SHOX: variants seen among roughly 807,000 people sequenced by gnomAD.
SHOX encodes short stature homeobox protein.
SHOX carries 12 observed loss-of-function variants against 29.6 expected under a neutral mutation model. That is an observed-to-expected ratio of 0.41 (90% CI 0.26 to 0.66). SHOX has a LOEUF of 0.66. Among genes scored for constraint, SHOX ranks in the 30% least tolerant of loss-of-function variants. The pLI is 0.35. For missense variants in SHOX, 499 were observed against 437.7 expected, an observed-to-expected ratio of 1.14 and a Z score of -1.25; for synonymous variants, 214 against 200.6, an observed-to-expected ratio of 1.07 and a Z score of -0.57.
rs1384464671 is a variant in SHOX, at chrX:649,213, T to G, written c.*4577T>G. ...CCACCATTCCCGGATAATTTTTGTA[T>G]TTTTTAGTAGAGACCGGGTTTCGCC... On this transcript the variant is annotated 3_prime_UTR_variant, in exon 5 of 5. Coordinates refer to ENST00000686671, the MANE Select transcript of SHOX (RefSeq NM_000451.4). Among the ~76,000 whole-genome samples the G allele has an allele frequency of 4.6e-5, 7 of 151,926 alleles. No individual in the cohort carries two copies. Among genetic ancestry groups the G allele is most frequent in the Admixed American group, 4.6e-4 (7 of 15,230 alleles).
intron 2 of SHOX, among the ~76,000 whole-genome samples, chrX:640,307 T>C (rs1221849962): frequency 3.3e-5 from 5 of 151,646 alleles, no homozygotes; most frequent in Non-Finnish European, 5.9e-5. Flanking sequence ...ATAGTGCCAC[T>C]GCAGTCCAGC....
intron 2 of SHOX, among the ~76,000 whole-genome samples, chrX:638,875 C>A (rs1269647349): frequency 2.0e-5 from 3 of 152,282 alleles, no homozygotes; most frequent in African/African-American, 7.2e-5. Context: ...GTTCTCTGGA[C>A]GAATCATTTC....
chrX:630,214 G>C (rs1218851548), upstream of SHOX, among the ~76,000 whole-genome samples: 2 of 152,198 alleles, frequency 1.3e-5, no homozygotes, highest in African/African-American at 4.8e-5. Context: ...TTCTCCAGCC[G>C]CGTTCCATCT....
At chrX:643,939 GA>G in intron 4 of SHOX, among the ~76,000 whole-genome samples, 2 of 142,878 alleles carry the variant, frequency 1.4e-5, no homozygotes, top group South Asian at 2.2e-4. Context: ...GGGACCTGGT[GA>G]TCTTGGAGAG....
rs778039535 is a variant in SHOX, at chrX:644,481, C to A, written c.724C>A (p.Pro242Thr). The A allele has an allele frequency of 3.9e-6, 6 of 1,523,786 alleles. No individual in the cohort carries two copies. The South Asian group carries it at 7.3e-5, about 18-fold the overall frequency. The allele number at this position is 1,523,786 out of a possible 1,614,324, so 94.4% of individuals were successfully genotyped here. The change falls in exon 5 of 5, where the codon CCC becomes ACC. Residue 242 changes from proline (P) to threonine (T), a missense_variant. Pro to Thr is a conservative substitution (Grantham distance 38). Coordinates refer to ENST00000686671, the MANE Select transcript of SHOX (RefSeq NM_000451.4). ...GGCGCACGCGCCCTACCTGATGTTC[C>A]CCCCGCCGCCCTTCGGGCTGCCCAT... ...LAAHAPYLMF[P>T]PPPFGLPIAS... is the part of the protein sequence containing the mutation.
rs17148922 is a variant in SHOX at position 634,527 on chromosome X, C to T, written c.278-91C>T. 29,811 of 1,377,858 alleles carry T rather than the reference C, an allele frequency of 0.022. 4,618 individuals are homozygous for T. In the African/African-American group the frequency reaches 0.36, roughly 16 times the overall value. 85.4% of individuals were successfully genotyped at this position (1,377,858 alleles called of 1,614,324 possible). A position where few individuals can be genotyped will look rare whatever the true frequency, so the allele number is the denominator to read the frequency against. Reference sequence around the variant, plus strand: ...GTCAAAGCGCATTGGTTTTCGAGGGCCCCCTTTCCACCGCGGGATGCACGA... The same window carrying T: ...GTCAAAGCGCATTGGTTTTCGAGGGTCCCCTTTCCACCGCGGGATGCACGA... On this transcript the variant is annotated intron_variant, in intron 1 of 4. Coordinates refer to ENST00000686671, the MANE Select transcript of SHOX (RefSeq NM_000451.4).
At chrX:653,101 C>G (rs1166045942), downstream of SHOX, among the ~76,000 whole-genome samples, 1 of 151,988 alleles carries the variant, frequency 6.6e-6, no homozygotes, top group African/African-American at 2.4e-5. Flanking sequence ...ATTAGCCGGG[C>G]GTGGTGGTGT....
chrX:640,920 G>T (rs1186298879), intron 3 of SHOX, 42 bp downstream of exon 3: 2 of 1,613,606 alleles, frequency 1.2e-6, no homozygotes, highest in Non-Finnish European at 1.7e-6. Context: ...GGGGGATCCT[G>T]CTCCAGGAGG....
At chrX:641,117 C>T (rs756904741) in intron 4 of SHOX, 30 bp downstream of exon 4, 1 of 1,594,462 alleles carries the variant, frequency 6.3e-7, no homozygotes, top group Non-Finnish European at 8.6e-7. Context: ...TCTGAAGATC[C>T]CTAGGGACCT....
Position 637,286 on chromosome X carries a change from G to T in SHOX, c.486+2460G>T, listed in dbSNP as rs893913091. 2.7e-4 allele frequency among the ~76,000 whole-genome samples: 41 copies of T among 152,152 alleles called. 1 individual carries two copies. In the Middle Eastern group the frequency reaches 0.017, roughly 63 times the overall value. On this transcript the variant is annotated intron_variant, in intron 2 of 4. Coordinates refer to ENST00000686671, the MANE Select transcript of SHOX (RefSeq NM_000451.4). ...AAAAGATTAAAGTTTCGCTAAAGGG[G>T]ACATCGAGTTTATGTGTCATCTCCT...
At chrX:637,350 C>T (rs1244330027) in intron 2 of SHOX, among the ~76,000 whole-genome samples, 1 of 151,924 alleles carries the variant, frequency 6.6e-6, no homozygotes, top group East Asian at 1.9e-4. Flanking sequence ...TATCCCAGCC[C>T]TTGATGTACT....
rs745958052 is a variant in SHOX, at chrX:636,697, AAT to A, written c.486+1881_486+1882del. Among the ~76,000 whole-genome samples the A allele has an allele frequency of 1.0e-3, 6 of 5,946 alleles. 2 individuals carry two copies. The highest frequency in any genetic ancestry group is 6.1e-3 in the African/African-American group (4 of 654). 3.9% of individuals were successfully genotyped at this position (5,946 alleles called of 152,430 possible). A position where few individuals can be genotyped will look rare whatever the true frequency, so the allele number is the denominator to read the frequency against. Reference sequence around the variant, plus strand: ...CATATATAAACATATATATACATAAAATATATATATAAACATATATATACATA... The same window carrying A: ...CATATATAAACATATATATACATAAAATATATATAAACATATATATACATA... On this transcript the variant is annotated intron_variant, in intron 2 of 4. Transcript: ENST00000686671.
downstream of SHOX, among the ~76,000 whole-genome samples, chrX:656,460 G>T (rs1453756181): frequency 6.7e-6 from 1 of 149,520 alleles, no homozygotes; most frequent in Non-Finnish European, 1.5e-5. Context: ...CTGTAATCCC[G>T]GTACTCTGGG....
In SHOX at chrX:658,628, G is replaced by A. The variant is rs373776204; in HGVS notation, c.634-157G>A. Among the ~76,000 whole-genome samples, 43 of 151,208 alleles carry A rather than the reference G, an allele frequency of 2.8e-4. No homozygotes were observed. In the South Asian group the frequency reaches 2.9e-3, roughly 10 times the overall value. On this transcript the variant is annotated intron_variant, in intron 5 of 5. Transcript: ENST00000334060. Reference sequence around the variant, plus strand: ...TGGGACTACAGGCGCCCGCCACCGCGCCCGGCTAATTTTTTGTATTTTTAG... The same window carrying A: ...TGGGACTACAGGCGCCCGCCACCGCACCCGGCTAATTTTTTGTATTTTTAG...
rs1569495997 is a variant in SHOX at position 650,810 on chromosome X, A to AAAC, written c.*6176_*6177insCAA. Among the ~76,000 whole-genome samples the AAAC allele has an allele frequency of 3.9e-4, 58 of 150,210 alleles. 1 individual carries two copies. Among genetic ancestry groups the AAAC allele is most frequent in the African/African-American group, 1.4e-3 (57 of 40,956 alleles). On this transcript the variant is annotated 3_prime_UTR_variant, in exon 5 of 5. Coordinates refer to ENST00000686671, the MANE Select transcript of SHOX (RefSeq NM_000451.4). ...TTGACATTAAAAAAAAAAAAAAAAAAAAAAAAAAACTGGTGCCTAATTTAT... is the reference window on the plus strand; with the variant it reads ...TTGACATTAAAAAAAAAAAAAAAAAAAACAAAAAAAAACTGGTGCCTAATTTAT...
rs924813168 is a variant in SHOX at position 646,925 on chromosome X, G to A, written c.*2289G>A. The A allele has an allele frequency of 6.7e-6, 1 of 149,742 alleles. No homozygotes were observed. The highest frequency in any genetic ancestry group is 1.5e-5 in the Non-Finnish European group (1 of 67,750). The allele number at this position is 149,742 out of a possible 1,614,324, so 9.3% of individuals were successfully genotyped here. A position where few individuals can be genotyped will look rare whatever the true frequency, so the allele number is the denominator to read the frequency against. On this transcript the variant is annotated 3_prime_UTR_variant, in exon 5 of 5. Coordinates refer to ENST00000686671, the MANE Select transcript of SHOX (RefSeq NM_000451.4). ...TATGTAACCCTTTGGAAAAGTGGTT[G>A]GTAAGATATGTACAGCCCTAGATTT...
At chrX:636,281 T>TAATATATA (rs752601690) in intron 2 of SHOX, among the ~76,000 whole-genome samples, 3,416 of 143,470 alleles carry the variant, frequency 0.024, 146 homozygotes, top group African/African-American at 0.074. Flanking sequence ...TAAACATATA[T>TAATATATA]AATATATAAA....
downstream of SHOX, among the ~76,000 whole-genome samples, chrX:653,917 C>T (rs932530040): frequency 1.4e-5 from 2 of 138,240 alleles, no homozygotes; most frequent in African/African-American, 6.3e-5. Context: ...TTGGAGTTGT[C>T]GTTAAAAAAA....
intron 2 of SHOX, 60 bp from the exon 3 acceptor site, chrX:640,761 C>G: frequency 6.3e-7 from 1 of 1,591,858 alleles, no homozygotes; most frequent in South Asian, 1.1e-5. Context: ...AAGGATGCTC[C>G]CTGGGGAGGC....
Sources: allele counts gnomAD v4.1 joint callset (sites outside exome capture counted in the v4.1 genomes callset), GRCh38; gene constraint gnomAD v4.1.1; transcripts MANE v1.5; gene names NCBI Gene and HGNC (gene_info 2026-07-23, HGNC 2026-07-21).